SPIRE1: variants seen among roughly 807,000 people sequenced by gnomAD.
SPIRE1 encodes the protein protein spire homolog 1.
SPIRE1 carries 40 observed loss-of-function variants against 94.1 expected under a neutral mutation model. That is an observed-to-expected ratio of 0.43 (90% confidence interval 0.33 to 0.55). The LOEUF (loss-of-function observed/expected upper bound fraction) is 0.55, where lower values mean the gene tolerates loss of function less well. Among genes scored for constraint, SPIRE1 ranks in the 20% least tolerant of loss-of-function variants. The probability of loss-of-function intolerance (pLI) is 0.06; values close to 1 mark genes in which losing one functional copy is unlikely to be tolerated. For missense variants in SPIRE1, 838 were observed against 975.2 expected (o/e 0.86, Z 1.87); for synonymous variants, 376 against 371.7 (o/e 1.01, Z -0.13).
chr18:12,545,250 T>C (rs186592704), intron 3 of SPIRE1, among the ~76,000 whole-genome samples: 59 of 152,348 alleles, frequency 3.9e-4, no homozygotes, highest in Admixed American at 3.0e-3. Context: ...TTTATATATA[T>C]GTATTTTATG....
At chr18:12,546,233 C>T (rs2035163817) in intron 3 of SPIRE1, among the ~76,000 whole-genome samples, 1 of 152,190 alleles carries the variant, frequency 6.6e-6, no homozygotes, top group Admixed American at 6.5e-5. Flanking sequence ...TCGTGATCCG[C>T]CTGCCTCGGC....
intron 6 of SPIRE1, among the ~76,000 whole-genome samples, chr18:12,505,401 C>T (rs1390279285): frequency 1.3e-5 from 2 of 151,762 alleles, no homozygotes; most frequent in African/African-American, 4.8e-5. Context: ...ATACAAAAAA[C>T]ACTAGCTGGG....
chr18:12,615,345 A>AAAAATATATATATAT, intron 2 of SPIRE1, among the ~76,000 whole-genome samples: 1 of 17,240 alleles, frequency 5.8e-5, no homozygotes, highest in Non-Finnish European at 1.9e-4. Context: ...AAAAAAAAAA[A>AAAAATATATATATAT]ATATATATAT....
chr18:12,661,045 C>T (rs1020149444), upstream of SPIRE1, among the ~76,000 whole-genome samples: 3 of 152,080 alleles, frequency 2.0e-5, no homozygotes, highest in Non-Finnish European at 2.9e-5. Context: ...TGGTGGCTCA[C>T]GCCTGTAATC....
At chr18:12,524,866 C>T (rs2034458538) in intron 4 of SPIRE1, among the ~76,000 whole-genome samples, 1 of 151,896 alleles carries the variant, frequency 6.6e-6, no homozygotes, top group East Asian at 1.9e-4. Context: ...GTAGTCCTAG[C>T]TACTTGAGAT....
chr18:12,466,064 A>G (rs553740201), intron 10 of SPIRE1, among the ~76,000 whole-genome samples: 5 of 151,848 alleles, frequency 3.3e-5, no homozygotes, highest in Admixed American at 3.3e-4. Flanking sequence ...AGCCTGGGTG[A>G]CAGAGTGATA....
chr18:12,506,303 G>A (rs961892292), intron 6 of SPIRE1, among the ~76,000 whole-genome samples, 174 bp downstream of exon 6: 3 of 152,060 alleles, frequency 2.0e-5, no homozygotes, highest in African/African-American at 7.2e-5. Flanking sequence ...AACTACAGGT[G>A]TGCACCACCA....
chr18:12,526,812 C>T (rs2034537013), intron 4 of SPIRE1, among the ~76,000 whole-genome samples: 2 of 151,962 alleles, frequency 1.3e-5, no homozygotes, highest in Admixed American at 1.3e-4. Context: ...TGAGTCCAAG[C>T]AATTCTCCTG....
At chr18:12,568,048 A>G (rs900969667) in intron 2 of SPIRE1, among the ~76,000 whole-genome samples, 2 of 152,146 alleles carry the variant, frequency 1.3e-5, no homozygotes, top group Admixed American at 1.3e-4. Flanking sequence ...CTGGGATCCA[A>G]TTACTTCCAT....
chr18:12,580,312 G>A (rs1161273823), intron 2 of SPIRE1, among the ~76,000 whole-genome samples: 1 of 151,958 alleles, frequency 6.6e-6, no homozygotes, highest in South Asian at 2.1e-4. Flanking sequence ...ATCTAATAAT[G>A]TGTTCTCTCT....
At chr18:12,598,117 C>T (rs549158159) in intron 2 of SPIRE1, among the ~76,000 whole-genome samples, 1 of 152,278 alleles carries the variant, frequency 6.6e-6, no homozygotes, top group Admixed American at 6.5e-5. Flanking sequence ...ACCATTTACT[C>T]CTAATATTTT....
intron 2 of SPIRE1, among the ~76,000 whole-genome samples, chr18:12,578,419 C>A (rs1266524821): frequency 6.6e-6 from 1 of 152,122 alleles, no homozygotes; most frequent in Non-Finnish European, 1.5e-5. Context: ...ATCTCAAAAA[C>A]ACTGCTGAGC....
At chr18:12,546,527 T>C (rs1432056975) in intron 3 of SPIRE1, 147 bp downstream of exon 3, 3 of 657,302 alleles carry the variant, frequency 4.6e-6, no homozygotes, top group African/African-American at 1.8e-5. Flanking sequence ...CAGCTACTCA[T>C]GAGGCAGAGG....
intron 12 of SPIRE1, among the ~76,000 whole-genome samples, chr18:12,461,459 T>TAC (rs1568183789): frequency 1.3e-4 from 20 of 149,450 alleles, no homozygotes; most frequent in African/African-American, 4.3e-4. Context: ...TGTGTGTATG[T>TAC]ATGTACATAT....
Position 12,570,395 on chromosome 18 carries a change from G to A in SPIRE1, c.373-23491C>T, listed in dbSNP as rs149843776. ...GAGCACAGCGCCTACCCTTTCAGTTGTTATCTAACAAACAGTAGCTGCTAT... is the reference window on the plus strand; with the variant it reads ...GAGCACAGCGCCTACCCTTTCAGTTATTATCTAACAAACAGTAGCTGCTAT... On this transcript the variant is annotated intron_variant, in intron 2 of 16. Coordinates refer to ENST00000409402, the MANE Select transcript of SPIRE1 (RefSeq NM_001128626.2). Among the ~76,000 whole-genome samples, 173 of 152,234 alleles carry A rather than the reference G, an allele frequency of 1.1e-3. 1 individual carries two copies. Among genetic ancestry groups the A allele is most frequent in the East Asian group, 6.9e-3 (36 of 5,182 alleles).
At chr18:12,573,290 C>A (rs911471737) in intron 2 of SPIRE1, among the ~76,000 whole-genome samples, 1 of 152,102 alleles carries the variant, frequency 6.6e-6, no homozygotes, top group African/African-American at 2.4e-5. Context: ...GATACTACTA[C>A]ACCCCTCCGA....
intron 9 of SPIRE1, among the ~76,000 whole-genome samples, chr18:12,481,378 C>T (rs485566): frequency 0.74 from 111,634 of 151,202 alleles, 41,796 homozygotes; most frequent in Middle Eastern, 0.91. Flanking sequence ...CCAGGAAACA[C>T]TTGGTATATA....
At chr18:12,613,512 G>A (rs2037201478) in intron 2 of SPIRE1, among the ~76,000 whole-genome samples, 1 of 152,084 alleles carries the variant, frequency 6.6e-6, no homozygotes, top group Admixed American at 6.6e-5. Flanking sequence ...CTTGACATGT[G>A]GCTAGCCCAA....
chr18:12,453,938 C>G (rs1420979864), intron 13 of SPIRE1, among the ~76,000 whole-genome samples: 1 of 152,116 alleles, frequency 6.6e-6, no homozygotes, highest in Non-Finnish European at 1.5e-5. Flanking sequence ...GCACGCACCA[C>G]CATGCCCAGC....
Sources: allele counts gnomAD v4.1 joint callset (sites outside exome capture counted in the v4.1 genomes callset), GRCh38; gene constraint gnomAD v4.1.1; transcripts MANE v1.5; gene names NCBI Gene and HGNC (gene_info 2026-07-23, HGNC 2026-07-21).